The following STK33 variants were observed in gnomAD, a reference collection of about 807,000 sequenced individuals.
The protein encoded by STK33 is serine/threonine kinase 33.
Under a neutral mutation model 58.0 loss-of-function variants are expected in STK33, and 52 were observed. The ratio of observed to expected loss-of-function variants is 0.90; its 90% CI spans 0.72 to 1.13. STK33 has a LOEUF of 1.13. STK33 is among the 50% of genes most tolerant of loss of function. The pLI is 0.00. For synonymous variants in STK33, 215 were observed against 200.1 expected (o/e 1.07, Z -0.63); for missense variants, 630 against 604.2 (o/e 1.04, Z -0.45).
chr11:8,508,869 C>A (rs982832749), intron 1 of STK33, among the ~76,000 whole-genome samples: 6 of 152,152 alleles, frequency 3.9e-5, no homozygotes, highest in African/African-American at 1.4e-4. Context: ...ATAATCCCAG[C>A]ACTTTGGGAG....
chr11:8,343,440 G>A, the STK33 span, among the ~76,000 whole-genome samples: 1 of 152,250 alleles, frequency 6.6e-6, no homozygotes, highest in Non-Finnish European at 1.5e-5. Context: ...TGAGGTGACT[G>A]TGGCGGTGGC....
chr11:8,527,806 C>G (rs953764630), intron 1 of STK33, among the ~76,000 whole-genome samples: 1 of 152,136 alleles, frequency 6.6e-6, no homozygotes, highest in Non-Finnish European at 1.5e-5. Flanking sequence ...GAGGAAACAG[C>G]CCATTTACCA....
intron 1 of STK33, among the ~76,000 whole-genome samples, chr11:8,498,403 A>G (rs1436536856): frequency 1.3e-5 from 2 of 152,194 alleles, no homozygotes; most frequent in African/African-American, 4.8e-5. Context: ...GACCTCTTCA[A>G]GGGGAACTAC....
intron 11 of STK33, among the ~76,000 whole-genome samples, chr11:8,445,373 C>G (rs767924826): frequency 2.6e-5 from 4 of 152,136 alleles, no homozygotes; most frequent in Non-Finnish European, 5.9e-5. Flanking sequence ...CCCTTTATTT[C>G]TTTCTCTTGC....
In STK33 at chr11:8,547,264, G is replaced by C. The variant is rs187995106; in HGVS notation, c.-466+46819C>G. On this transcript the variant is annotated intron_variant, in intron 1 of 15. Transcript: ENST00000687296. ...AGTTTCATTCTTGTTGCCCAGGCTG[G>C]AGTGCAATGGTGCAATCTCGGCTCA... Among the ~76,000 whole-genome samples the C allele has an allele frequency of 3.1e-3, 468 of 152,274 alleles. 1 individual carries two copies. Among genetic ancestry groups the C allele is most frequent in the Non-Finnish European group, 5.0e-3 (341 of 68,022 alleles).
At chr11:8,491,338 G>C (rs1325571336) in intron 1 of STK33, among the ~76,000 whole-genome samples, 1 of 152,162 alleles carries the variant, frequency 6.6e-6, no homozygotes, top group Non-Finnish European at 1.5e-5. Context: ...GGAAGAAAGG[G>C]TATCAGTGAC....
chr11:8,367,482 T>C, the STK33 span, among the ~76,000 whole-genome samples: 1 of 152,220 alleles, frequency 6.6e-6, no homozygotes, highest in Non-Finnish European at 1.5e-5. Context: ...AGCCCAGGAC[T>C]CTAAGGGTAG....
At chr11:8,355,133 T>A in the STK33 span, among the ~76,000 whole-genome samples, 1 of 152,122 alleles carries the variant, frequency 6.6e-6, no homozygotes, top group East Asian at 1.9e-4. Context: ...GCTTTTCCCA[T>A]CAACTTTCCC....
At chr11:8,343,836 C>T in the STK33 span, among the ~76,000 whole-genome samples, 2 of 152,176 alleles carry the variant, frequency 1.3e-5, no homozygotes, top group Non-Finnish European at 2.9e-5. Flanking sequence ...ATCCTGGCCT[C>T]AGCTCTCACC....
chr11:8,464,245 A>C (rs989893524), intron 7 of STK33, among the ~76,000 whole-genome samples: 3 of 152,194 alleles, frequency 2.0e-5, no homozygotes, highest in African/African-American at 7.2e-5. Context: ...AGTTAGTTGA[A>C]GCAAAAAGTG....
rs149715729 is a variant in STK33 at position 8,562,730 on chromosome 11, G to T, written c.-466+31353C>A. Among the ~76,000 whole-genome samples, 314 of 152,088 alleles carry T rather than the reference G, an allele frequency of 2.1e-3. 3 individuals carry two copies. The highest frequency in any genetic ancestry group is 7.3e-3 in the African/African-American group (303 of 41,486). ...ATCTTCTGCATTCTTAGAAGTAATA[G>T]TTACTATTACAATTCTACTTTGGAA... On this transcript the variant is annotated intron_variant, in intron 1 of 15. Transcript: ENST00000687296.
the STK33 span, among the ~76,000 whole-genome samples, chr11:8,343,195 G>A: frequency 3.3e-5 from 5 of 152,378 alleles, no homozygotes; most frequent in Admixed American, 6.5e-5. Context: ...AGCATGAGGG[G>A]GCAGCGCCTG....
intron 9 of STK33, among the ~76,000 whole-genome samples, chr11:8,456,243 CTTT>C (rs1946847736): frequency 1.3e-5 from 2 of 152,120 alleles, no homozygotes; most frequent in Admixed American, 1.3e-4. Flanking sequence ...GAAAGCCTGC[CTTT>C]TTAATTTTTT....
At chr11:8,391,811 T>C (rs1428656295), downstream of STK33, 2 of 152,632 alleles carry the variant, frequency 1.3e-5, no homozygotes, top group African/African-American at 4.8e-5. Context: ...AACTTATAAT[T>C]TGCATAAAGG....
intron 7 of STK33, among the ~76,000 whole-genome samples, chr11:8,462,830 G>A (rs1369153352): frequency 1.3e-5 from 2 of 152,050 alleles, no homozygotes; most frequent in Non-Finnish European, 2.9e-5. Context: ...TCACCGCCCT[G>A]CCAAATCATC....
intron 14 of STK33, among the ~76,000 whole-genome samples, chr11:8,416,073 T>G (rs757931380): frequency 6.6e-6 from 1 of 152,182 alleles, no homozygotes; most frequent in African/African-American, 2.4e-5. Context: ...AGTTCACACA[T>G]AGACAGCAAA....
In STK33 at chr11:8,563,248, C is replaced by T. The variant is rs977337733; in HGVS notation, c.-466+30835G>A. The stretch of plus-strand genomic sequence containing the variant: ...AGTGTTCCTTGGGATTCAAAGTTAG[C>T]TGTTGGAGTAAACCTAACATTGCCC... On this transcript the variant is annotated intron_variant, in intron 1 of 15. Transcript: ENST00000687296. 5.9e-5 allele frequency among the ~76,000 whole-genome samples: 9 copies of T among 152,204 alleles called. 1 individual carries two copies. The East Asian group carries it at 1.7e-3, about 29-fold the overall frequency.
At chr11:8,536,628 T>C (rs1955020682) in intron 1 of STK33, among the ~76,000 whole-genome samples, 1 of 152,248 alleles carries the variant, frequency 6.6e-6, no homozygotes, top group Non-Finnish European at 1.5e-5. Context: ...AAGTAGAATT[T>C]AGTCAAGTCT....
intron 7 of STK33, 38 bp from the exon 8 acceptor site, chr11:8,461,947 A>T: frequency 1.3e-6 from 2 of 1,482,012 alleles, no homozygotes; most frequent in Non-Finnish European, 1.8e-6. Flanking sequence ...ACATAATGAA[A>T]ATCACTCCTA....
Sources: allele counts gnomAD v4.1 joint callset (sites outside exome capture counted in the v4.1 genomes callset), GRCh38; gene constraint gnomAD v4.1.1; transcripts MANE v1.5; gene names NCBI Gene and HGNC (gene_info 2026-07-23, HGNC 2026-07-21).